FAM117B: variants seen among roughly 807,000 people sequenced by gnomAD.
FAM117B encodes protein FAM117B.
FAM117B carries 22 observed loss-of-function variants against 52.8 expected under a neutral mutation model. The ratio of observed to expected loss-of-function variants is 0.42; its 90% CI spans 0.30 to 0.59. The LOEUF (loss-of-function observed/expected upper bound fraction) is 0.59, where lower values mean the gene tolerates loss of function less well. Ranked by LOEUF, FAM117B falls within the 20% of genes least tolerant of loss-of-function variation. FAM117B has a pLI of 0.22. For synonymous variants in FAM117B, 309 were observed against 324.1 expected (o/e 0.95, Z 0.50); for missense variants, 678 against 802.6 (o/e 0.84, Z 1.88).
At chr2:202,733,418 A>G (rs1691388918) in intron 4 of FAM117B, among the ~76,000 whole-genome samples, 1 of 152,152 alleles carries the variant, frequency 6.6e-6, no homozygotes, top group Non-Finnish European at 1.5e-5. Flanking sequence ...CCCCACCCTA[A>G]TAAGCCTGAG....
intron 4 of FAM117B, among the ~76,000 whole-genome samples, chr2:202,749,896 GTTC>G (rs1209114651): frequency 1.4e-4 from 21 of 152,280 alleles, no homozygotes; most frequent in African/African-American, 5.1e-4. Context: ...GTTTAAGTAT[GTTC>G]TTAAGTCTAT....
At chr2:202,640,291 ACAAAATATATAT>A (rs1689748362) in intron 1 of FAM117B, among the ~76,000 whole-genome samples, 1 of 63,508 alleles carries the variant, frequency 1.6e-5, no homozygotes, top group Non-Finnish European at 3.4e-5. Context: ...CACCACCACC[ACAAAATATATAT>A]ATATATATAT....
intron 1 of FAM117B, among the ~76,000 whole-genome samples, chr2:202,666,040 T>C (rs1334766017): frequency 6.6e-6 from 1 of 152,184 alleles, no homozygotes; most frequent in East Asian, 1.9e-4. Context: ...GCTATAAATA[T>C]GTATTATGGC....
At chr2:202,680,888 T>C (rs1187500233) in intron 1 of FAM117B, among the ~76,000 whole-genome samples, 1 of 152,194 alleles carries the variant, frequency 6.6e-6, no homozygotes, top group East Asian at 1.9e-4. Context: ...TACAAAAGAA[T>C]AAGCACCTGA....
At chr2:202,655,707 TGAGAGA>T (rs60423652) in intron 1 of FAM117B, among the ~76,000 whole-genome samples, 15,874 of 98,412 alleles carry the variant, frequency 0.16, 1,423 homozygotes, top group East Asian at 0.37. Flanking sequence ...GGGAAGAGAG[TGAGAGA>T]GAGAGAGAGA....
At chr2:202,709,636 ATTG>A (rs1690929271) in intron 2 of FAM117B, among the ~76,000 whole-genome samples, 1 of 151,846 alleles carries the variant, frequency 6.6e-6, no homozygotes, top group Non-Finnish European at 1.5e-5. Flanking sequence ...TACTCTGTTG[ATTG>A]TTTTCTGTGT....
chr2:202,722,845 C>A (rs567788470), intron 2 of FAM117B, among the ~76,000 whole-genome samples: 1 of 151,798 alleles, frequency 6.6e-6, no homozygotes, highest in East Asian at 1.9e-4. Flanking sequence ...AAAAAAAATT[C>A]ATTTGTTAAG....
At chr2:202,707,664 G>A (rs1430205628) in intron 2 of FAM117B, among the ~76,000 whole-genome samples, 1 of 151,940 alleles carries the variant, frequency 6.6e-6, no homozygotes, top group Non-Finnish European at 1.5e-5. Context: ...CTGAGATCGT[G>A]CTACTGTACT....
intron 4 of FAM117B, among the ~76,000 whole-genome samples, chr2:202,734,698 G>C (rs1319917013): frequency 6.6e-6 from 1 of 152,100 alleles, no homozygotes; most frequent in African/African-American, 2.4e-5. Flanking sequence ...GCTTAAATGG[G>C]ATAAAATGTT....
At chr2:202,764,435 T>C (rs1234068335) in intron 7 of FAM117B, among the ~76,000 whole-genome samples, 1 of 152,022 alleles carries the variant, frequency 6.6e-6, no homozygotes. Context: ...AGATTATTTT[T>C]TTTTTTAAGG....
chr2:202,652,070 A>AG (rs1340051767), intron 1 of FAM117B, among the ~76,000 whole-genome samples: 2 of 151,790 alleles, frequency 1.3e-5, no homozygotes, highest in East Asian at 1.9e-4. Flanking sequence ...AAAAAAAAAA[A>AG]AAGATAAGGA....
intron 7 of FAM117B, 150 bp from the exon 8 acceptor site, chr2:202,765,296 T>G (rs57454651): frequency 0.52 from 377,118 of 722,746 alleles, 102,412 homozygotes; most frequent in Middle Eastern, 0.63. Context: ...TGTTTGAAGG[T>G]GGGGGACAGA....
intron 4 of FAM117B, among the ~76,000 whole-genome samples, chr2:202,752,320 C>G (rs1691736436): frequency 6.6e-6 from 1 of 152,074 alleles, no homozygotes; most frequent in Admixed American, 6.6e-5. Context: ...GAGACATCCT[C>G]TCTCAGCACT....
chr2:202,721,823 G>A (rs1691156866), intron 2 of FAM117B, among the ~76,000 whole-genome samples: 1 of 151,814 alleles, frequency 6.6e-6, no homozygotes, highest in African/African-American at 2.4e-5. Context: ...TTTTAGAGAT[G>A]AGGTCTCCCT....
At chr2:202,661,919 TAAAAAAAAAA>T (rs201631446) in intron 1 of FAM117B, among the ~76,000 whole-genome samples, 2 of 88,710 alleles carry the variant, frequency 2.3e-5, no homozygotes, top group African/African-American at 7.7e-5. Context: ...AGATTCCATC[TAAAAAAAAAA>T]AAAAAAAAAG....
chr2:202,759,793 G>A (rs1251124802), intron 7 of FAM117B, among the ~76,000 whole-genome samples: 2 of 151,994 alleles, frequency 1.3e-5, no homozygotes, highest in African/African-American at 4.8e-5. Flanking sequence ...TCCTGACTTC[G>A]TGATCCACCT....
At chr2:202,750,737 A>G (rs1418609932) in intron 4 of FAM117B, among the ~76,000 whole-genome samples, 1 of 152,210 alleles carries the variant, frequency 6.6e-6, no homozygotes, top group Non-Finnish European at 1.5e-5. Flanking sequence ...ATTGTAGAAA[A>G]ATAATCCAAA....
chr2:202,711,653 T>C (rs895227358), intron 2 of FAM117B, among the ~76,000 whole-genome samples: 1 of 152,230 alleles, frequency 6.6e-6, no homozygotes, highest in African/African-American at 2.4e-5. Context: ...CCCAATGTTT[T>C]CTTGTAGTAG....
rs1260900649 is a variant in FAM117B at position 202,766,085 on chromosome 2, CA to C, written c.*322del. On this transcript the variant is annotated 3_prime_UTR_variant, in exon 8 of 8. Coordinates refer to ENST00000392238, the MANE Select transcript of FAM117B (RefSeq NM_173511.4). Reference sequence around the variant, plus strand: ...AAACACACACACACACACACACACACACACACACACACACACACACACCCCT... The same window carrying C: ...AAACACACACACACACACACACACACCACACACACACACACACACACCCCT... The C allele has an allele frequency of 8.5e-5, 20 of 235,228 alleles. No individual in the cohort carries two copies. The highest frequency in any genetic ancestry group is 3.6e-4 in the African/African-American group (16 of 43,962). 14.6% of individuals were successfully genotyped at this position (235,228 alleles called of 1,614,324 possible). A position where few individuals can be genotyped will look rare whatever the true frequency, so the allele number is the denominator to read the frequency against.
Sources: gnomAD v4.1 joint callset for allele counts (sites outside exome capture counted in the v4.1 genomes callset) on GRCh38, gnomAD v4.1.1 for gene constraint, MANE v1.5 for transcripts, NCBI Gene and HGNC (gene_info 2026-07-23, HGNC 2026-07-21) for gene names.